TOX: variants seen among roughly 807,000 people sequenced by gnomAD.
The protein encoded by TOX is thymocyte selection associated high mobility group box, also known as thymocyte selection-associated high mobility group box protein TOX.
Under a neutral mutation model 53.7 loss-of-function variants are expected in TOX, and 11 were observed. That is an observed-to-expected ratio of 0.20 (90% CI 0.13 to 0.34). The LOEUF is 0.34. TOX is among the 10% of genes least tolerant of loss of function. The pLI is 1.00. For missense variants in TOX, 570 were observed against 664.6 expected, an observed-to-expected ratio of 0.86 and a Z score of 1.56; for synonymous variants, 225 against 245.3, an observed-to-expected ratio of 0.92 and a Z score of 0.77.
At position 58,959,961 on chromosome 8, in the gene TOX, G is replaced by A. The variant is rs753719625; in HGVS notation, c.150C>T (p.Asp50=). The A allele has an allele frequency of 1.1e-5, 18 of 1,614,184 alleles. No individual in the cohort carries two copies. The highest frequency in any genetic ancestry group is 1.5e-5 in the Non-Finnish European group (18 of 1,180,026). Residue 50 remains aspartate (D), a synonymous_variant, in exon 2 of 9, where the codon GAC becomes GAT. Coordinates refer to ENST00000361421, the MANE Select transcript of TOX (RefSeq NM_014729.3). ...AACCCACCTGGCTGGCTGGCACATA[G>A]TCCTGGCTCGGCTCTGTCATGCTCA... The part of the protein sequence containing the change: ...MYMSMTEPSQ[D]YVPASQSYPG...
intron 6 of TOX, among the ~76,000 whole-genome samples, chr8:58,821,520 G>A (rs1810275387): frequency 6.6e-6 from 1 of 151,714 alleles, no homozygotes; most frequent in African/African-American, 2.4e-5. Flanking sequence ...TTGACTCTAG[G>A]TCCAATGTTG....
chr8:58,936,746 T>G (rs1400057686), intron 3 of TOX, among the ~76,000 whole-genome samples: 1 of 152,126 alleles, frequency 6.6e-6, no homozygotes, highest in Non-Finnish European at 1.5e-5. Context: ...AACAACAAAT[T>G]TAATCTCCAA....
At chr8:59,082,080 T>C (rs1804419083) in intron 1 of TOX, among the ~76,000 whole-genome samples, 1 of 152,242 alleles carries the variant, frequency 6.6e-6, no homozygotes, top group South Asian at 2.1e-4. Context: ...GTTGTGTTGA[T>C]CTTGCCCTGC....
intron 1 of TOX, among the ~76,000 whole-genome samples, chr8:59,111,188 G>A (rs1805011481): frequency 6.6e-6 from 1 of 152,140 alleles, no homozygotes; most frequent in African/African-American, 2.4e-5. Context: ...GGTTTATTTT[G>A]CCTAGGGAGT....
At chr8:58,913,092 G>A (rs1304320198) in intron 3 of TOX, among the ~76,000 whole-genome samples, 1 of 152,200 alleles carries the variant, frequency 6.6e-6, no homozygotes, top group Non-Finnish European at 1.5e-5. Context: ...TTGAATGAAT[G>A]TTTGGTGAGA....
chr8:58,972,494 A>C (rs1367465665), intron 1 of TOX, among the ~76,000 whole-genome samples: 1 of 152,218 alleles, frequency 6.6e-6, no homozygotes, highest in Non-Finnish European at 1.5e-5. Flanking sequence ...ATAAGGTTAT[A>C]CTTAAATATA....
chr8:59,029,407 C>A (rs1436173506), intron 1 of TOX, among the ~76,000 whole-genome samples: 1 of 152,092 alleles, frequency 6.6e-6, no homozygotes. Flanking sequence ...CTTAAGTAAC[C>A]CAATCACTTT....
chr8:58,940,972 TAG>T (rs1476361514), intron 2 of TOX, among the ~76,000 whole-genome samples: 2 of 152,146 alleles, frequency 1.3e-5, no homozygotes, highest in Non-Finnish European at 2.9e-5. Flanking sequence ...ACATGTAGGT[TAG>T]AGACAGGGGG....
chr8:58,994,419 T>TGCGC (rs1554536881), intron 1 of TOX, among the ~76,000 whole-genome samples: 11 of 141,204 alleles, frequency 7.8e-5, no homozygotes, highest in Admixed American at 4.1e-4. Flanking sequence ...TGTGTGTGTG[T>TGCGC]GCGCGCGCGC....
At chr8:59,058,881 A>G (rs895273855) in intron 1 of TOX, among the ~76,000 whole-genome samples, 3 of 152,208 alleles carry the variant, frequency 2.0e-5, no homozygotes, top group Non-Finnish European at 2.9e-5. Flanking sequence ...CTCAATGAAG[A>G]AAGTTAACAC....
chr8:59,015,415 A>T (rs1165085227), intron 1 of TOX, among the ~76,000 whole-genome samples: 1 of 152,218 alleles, frequency 6.6e-6, no homozygotes, highest in East Asian at 1.9e-4. Flanking sequence ...CCCAACATGC[A>T]AAATAAATAT....
intron 1 of TOX, among the ~76,000 whole-genome samples, chr8:59,052,952 C>A: frequency 6.6e-6 from 1 of 152,048 alleles, no homozygotes; most frequent in African/African-American, 2.4e-5. Flanking sequence ...AATGAAAAAG[C>A]TTGAATAATG....
intron 3 of TOX, among the ~76,000 whole-genome samples, chr8:58,920,749 G>GAAAAAAAAAAAAA (rs67652722): frequency 6.3e-5 from 7 of 110,850 alleles, no homozygotes; most frequent in Non-Finnish European, 1.1e-4. Context: ...AAAAAAAGAA[G>GAAAAAAAAAAAAA]AAAAAAAAAA....
chr8:59,007,238 G>C (rs1419385791), intron 1 of TOX, among the ~76,000 whole-genome samples: 1 of 150,680 alleles, frequency 6.6e-6, no homozygotes, highest in Non-Finnish European at 1.5e-5. Flanking sequence ...TTTTTCTTCA[G>C]TTATGCAAAC....
At chr8:59,055,951 C>T (rs1355061573) in intron 1 of TOX, among the ~76,000 whole-genome samples, 4 of 152,064 alleles carry the variant, frequency 2.6e-5, no homozygotes, top group African/African-American at 9.7e-5. Flanking sequence ...AAAATTTTTA[C>T]CCCTTATAAG....
At chr8:59,019,872 T>C (rs1482906892) in intron 1 of TOX, among the ~76,000 whole-genome samples, 1 of 152,244 alleles carries the variant, frequency 6.6e-6, no homozygotes, top group Non-Finnish European at 1.5e-5. Flanking sequence ...ACTTAGAAGT[T>C]GATTTGCTTT....
intron 3 of TOX, among the ~76,000 whole-genome samples, chr8:58,885,132 A>G (rs1167500304): frequency 6.6e-6 from 1 of 152,164 alleles, no homozygotes; most frequent in East Asian, 1.9e-4. Flanking sequence ...ATAGTTCAAC[A>G]TTACAATAGA....
intron 1 of TOX, among the ~76,000 whole-genome samples, chr8:59,076,920 A>G (rs1464003644): frequency 6.6e-6 from 1 of 152,250 alleles, no homozygotes; most frequent in Admixed American, 6.5e-5. Flanking sequence ...TATCAATACT[A>G]GAGTATCATT....
chr8:59,019,942 T>C (rs1010291294), intron 1 of TOX, among the ~76,000 whole-genome samples: 12 of 152,336 alleles, frequency 7.9e-5, no homozygotes, highest in Non-Finnish European at 1.6e-4. Context: ...CATACATAGT[T>C]CACTCTTCAA....
Sources: allele counts gnomAD v4.1 joint callset (sites outside exome capture counted in the v4.1 genomes callset), GRCh38; gene constraint gnomAD v4.1.1; transcripts MANE v1.5; gene names NCBI Gene and HGNC (gene_info 2026-07-23, HGNC 2026-07-21).